Variants in KLHL1 observed in about 807,000 individuals in gnomAD.
The protein encoded by KLHL1 is kelch like family member 1.
A neutral mutation model predicts 77.7 loss-of-function variants in KLHL1; 47 were observed. The observed-to-expected ratio is 0.60, with a 90% CI of 0.48 to 0.77. The LOEUF (loss-of-function observed/expected upper bound fraction) is 0.77, where lower values mean the gene tolerates loss of function less well. Among genes scored for constraint, KLHL1 ranks in the 30% least tolerant of loss-of-function variants. KLHL1 has a pLI of 0.00. For missense variants in KLHL1, 925 were observed against 910.8 expected, an observed-to-expected ratio of 1.02 and a Z score of -0.20; for synonymous variants, 360 against 325.2, an observed-to-expected ratio of 1.11 and a Z score of -1.15.
intron 7 of KLHL1, among the ~76,000 whole-genome samples, chr13:69,792,568 T>C (rs1423741491): frequency 7.1e-6 from 1 of 140,198 alleles, no homozygotes; most frequent in Non-Finnish European, 1.6e-5. Context: ...CCAAAAACAA[T>C]TGAAAACATA....
intron 3 of KLHL1, among the ~76,000 whole-genome samples, chr13:69,944,128 G>A (rs761654082): frequency 6.6e-6 from 1 of 152,128 alleles, no homozygotes; most frequent in Admixed American, 6.6e-5. Flanking sequence ...TGATAAAATC[G>A]ACTCACTGTG....
At chr13:70,039,637 CTT>C (rs773600359) in intron 1 of KLHL1, among the ~76,000 whole-genome samples, 8,384 of 125,138 alleles carry the variant, frequency 0.067, 206 homozygotes, top group Middle Eastern at 0.11. Context: ...ATTCCTTGAA[CTT>C]TTTTTTTTTT....
chr13:69,896,042 T>C (rs1244046633), intron 4 of KLHL1, among the ~76,000 whole-genome samples: 1 of 152,082 alleles, frequency 6.6e-6, no homozygotes, highest in African/African-American at 2.4e-5. Flanking sequence ...TTCACATTGC[T>C]GGTAGAATTT....
chr13:69,797,949 C>T (rs1877197872), intron 6 of KLHL1, among the ~76,000 whole-genome samples: 2 of 152,024 alleles, frequency 1.3e-5, no homozygotes, highest in Admixed American at 6.5e-5. Flanking sequence ...AAGCTTTTTA[C>T]ATATAAGTTT....
chr13:70,010,508 T>C (rs1008558506), intron 1 of KLHL1, among the ~76,000 whole-genome samples: 2 of 152,156 alleles, frequency 1.3e-5, no homozygotes, highest in Non-Finnish European at 2.9e-5. Flanking sequence ...TAGCAACTTG[T>C]AAATCTTGTG....
chr13:69,752,210 C>T (rs1874516616), intron 7 of KLHL1, among the ~76,000 whole-genome samples: 1 of 152,106 alleles, frequency 6.6e-6, no homozygotes, highest in Admixed American at 6.6e-5. Flanking sequence ...CATCTTCTAA[C>T]CAAGCTTCAG....
intron 5 of KLHL1, among the ~76,000 whole-genome samples, chr13:69,851,878 G>C (rs1879704685): frequency 6.6e-6 from 1 of 151,822 alleles, no homozygotes; most frequent in East Asian, 1.9e-4. Context: ...CCTACTAGTA[G>C]TCAGATAGTT....
chr13:69,978,335 C>T (rs1339040333), intron 1 of KLHL1, among the ~76,000 whole-genome samples: 1 of 151,314 alleles, frequency 6.6e-6, no homozygotes, highest in Non-Finnish European at 1.5e-5. Context: ...TGCTTGGGTA[C>T]GCAGACTGCA....
At chr13:69,960,973 C>T (rs1266278551) in intron 3 of KLHL1, among the ~76,000 whole-genome samples, 3 of 151,836 alleles carry the variant, frequency 2.0e-5, no homozygotes, top group Non-Finnish European at 2.9e-5. Flanking sequence ...AAAGAAAAGA[C>T]AATTAGAATC....
At chr13:70,079,535 TTTTC>T (rs1357061782) in intron 1 of KLHL1, among the ~76,000 whole-genome samples, 3 of 152,198 alleles carry the variant, frequency 2.0e-5, no homozygotes, top group African/African-American at 7.2e-5. Flanking sequence ...CGGTAATGCC[TTTTC>T]TTTTAGTTTC....
intron 10 of KLHL1, among the ~76,000 whole-genome samples, chr13:69,704,046 G>A (rs1047670171): frequency 2.6e-5 from 4 of 151,618 alleles, no homozygotes; most frequent in Admixed American, 1.3e-4. Context: ...AAGGCTCCCT[G>A]ATGTCCATTC....
At chr13:70,003,283 T>C (rs1406312118) in intron 1 of KLHL1, among the ~76,000 whole-genome samples, 1 of 151,734 alleles carries the variant, frequency 6.6e-6, no homozygotes, top group African/African-American at 2.4e-5. Context: ...GGGAATTAAT[T>C]AAACTTCAAG....
intron 5 of KLHL1, among the ~76,000 whole-genome samples, chr13:69,865,596 A>G (rs1465068693): frequency 6.6e-6 from 1 of 152,114 alleles, no homozygotes; most frequent in East Asian, 1.9e-4. Context: ...GGCAATTTAC[A>G]TGGAGTCCGT....
At chr13:69,983,589 A>AAAG (rs1555287927) in intron 1 of KLHL1, among the ~76,000 whole-genome samples, 6 of 132,212 alleles carry the variant, frequency 4.5e-5, no homozygotes, top group African/African-American at 1.9e-4. Context: ...AAAAAAAAAA[A>AAAG]AAGAAGAAGA....
chr13:69,961,317 C>T lies in KLHL1; in HGVS notation c.808G>A (p.Ala270Thr). 6.2e-7 allele frequency: 1 copy of T among 1,611,022 alleles called. No homozygotes were observed. Among genetic ancestry groups the T allele is most frequent in the Non-Finnish European group, 8.5e-7 (1 of 1,178,074 alleles). The change falls in exon 3 of 11, where the codon GCA (alanine) becomes ACA (threonine). Residue 270 changes from alanine to threonine, a missense_variant. Physicochemically the swap from Ala to Thr is moderately conservative, Grantham distance 58 (BLOSUM62 0). Transcript: ENST00000377844. ...AATTATTTTGCCATACCTGTATATG[C>T]AAATTGGACAAGGTCCCAGAGAGCA... The part of the protein sequence containing the change: ...PNALWDLVQF[A>T]YTGCLELKED...
At chr13:70,000,452 T>G (rs1353682676) in intron 1 of KLHL1, among the ~76,000 whole-genome samples, 2 of 151,978 alleles carry the variant, frequency 1.3e-5, no homozygotes, top group Non-Finnish European at 2.9e-5. Context: ...CGTATATACA[T>G]TAGTTATATA....
At chr13:69,735,970 G>T (rs1873744821) in intron 8 of KLHL1, among the ~76,000 whole-genome samples, 1 of 152,140 alleles carries the variant, frequency 6.6e-6, no homozygotes, top group Non-Finnish European at 1.5e-5. Context: ...GTATCTGTGT[G>T]TATGCACATA....
intron 7 of KLHL1, among the ~76,000 whole-genome samples, chr13:69,765,974 A>G (rs571767525): frequency 6.6e-6 from 1 of 152,324 alleles, no homozygotes; most frequent in Admixed American, 6.5e-5. Flanking sequence ...AACAGATTCT[A>G]ACAGATTCAG....
chr13:69,851,523 GAAGT>G (rs1386943485), intron 5 of KLHL1, among the ~76,000 whole-genome samples: 1 of 151,800 alleles, frequency 6.6e-6, no homozygotes, highest in Non-Finnish European at 1.5e-5. Flanking sequence ...AGAGTTGCAT[GAAGT>G]AATAACTTTC....
Sources: allele counts gnomAD v4.1 joint callset (sites outside exome capture counted in the v4.1 genomes callset), GRCh38; gene constraint gnomAD v4.1.1; transcripts MANE v1.5; gene names NCBI Gene and HGNC (gene_info 2026-07-23, HGNC 2026-07-21).